The following AR variants were observed in gnomAD, a reference collection of about 807,000 sequenced individuals.
The protein encoded by AR is androgen receptor.
A neutral mutation model predicts 53.9 loss-of-function variants in AR; 8 were observed. The observed-to-expected ratio is 0.15, with a 90% CI of 0.09 to 0.27. The LOEUF (loss-of-function observed/expected upper bound fraction) is 0.27. Ranked by LOEUF, AR falls within the 10% of genes least tolerant of loss-of-function variation. AR has a pLI of 1.00. For synonymous variants in AR, 359 were observed against 316.4 expected (o/e 1.13, Z -1.43); for missense variants, 639 against 742.5 (o/e 0.86, Z 1.62).
intron 2 of AR, among the ~76,000 whole-genome samples, chrX:67,646,953 G>A (rs1337949571): frequency 2.7e-5 from 3 of 110,936 alleles, no homozygotes; most frequent in Non-Finnish European, 5.7e-5. Flanking sequence ...GTGTACTATG[G>A]ATGGAGTGAG....
At chrX:67,575,475 G>A (rs1302608119) in intron 1 of AR, among the ~76,000 whole-genome samples, 3 of 111,319 alleles carry the variant, frequency 2.7e-5, no homozygotes, top group Admixed American at 9.5e-5. Context: ...TATGATATGC[G>A]GATACACCAA....
intron 1 of AR, among the ~76,000 whole-genome samples, chrX:67,550,760 C>A (rs1260082901): frequency 9.1e-6 from 1 of 109,852 alleles, no homozygotes; most frequent in Non-Finnish European, 1.9e-5. Flanking sequence ...TTCTCTTTGT[C>A]TGCAGCTTCC....
intron 1 of AR, among the ~76,000 whole-genome samples, chrX:67,626,436 C>CA (rs1924642148): frequency 4.3e-5 from 2 of 46,808 alleles, no homozygotes; most frequent in Non-Finnish European, 7.5e-5. Context: ...CAGGCTCTCT[C>CA]TTTTTTTTTT....
Position 67,726,981 on chromosome X carries a change from G to C in AR, c.*3140G>C. 5.8e-6 allele frequency: 1 copy of C among 173,353 alleles called. No homozygotes were observed. Among genetic ancestry groups the C allele is most frequent in the Admixed American group, 7.8e-5 (1 of 12,870 alleles). 14.3% of individuals were successfully genotyped at this position (173,353 alleles called of 1,213,427 possible). On this transcript the variant is annotated 3_prime_UTR_variant, in exon 8 of 8. Coordinates refer to ENST00000374690, the MANE Select transcript of AR (RefSeq NM_000044.6). Reference sequence around the variant, plus strand: ...CGATGTGGACGAAGAGTGAGGAAGAGAAAAAGAAGGAGCACCAGGGAGAAG... The same window carrying C: ...CGATGTGGACGAAGAGTGAGGAAGACAAAAAGAAGGAGCACCAGGGAGAAG...
rs139203262 is a variant in AR, at chrX:67,564,748, T to A, written c.1616+17986T>A. Among the ~76,000 whole-genome samples, 724 of 111,769 alleles carry A rather than the reference T, an allele frequency of 6.5e-3. 36 individuals carry two copies. The East Asian group carries it at 0.17, about 26-fold the overall frequency. On this transcript the variant is annotated intron_variant, in intron 1 of 7. Coordinates refer to ENST00000374690, the MANE Select transcript of AR (RefSeq NM_000044.6). Reference sequence around the variant, plus strand: ...GTTTCAGTCACATGCATTGTTACCATGGCATATGACAGTTGCTAGAAAGTG... The same window carrying A: ...GTTTCAGTCACATGCATTGTTACCAAGGCATATGACAGTTGCTAGAAAGTG...
intron 1 of AR, among the ~76,000 whole-genome samples, chrX:67,581,835 G>A (rs1160817110): frequency 9.0e-6 from 1 of 111,299 alleles, no homozygotes; most frequent in Non-Finnish European, 1.9e-5. Context: ...AGAGGTAATA[G>A]AAATTATTAG....
chrX:67,695,465 T>C, intron 3 of AR: 1 of 754,375 alleles, frequency 1.3e-6, no homozygotes, highest in Non-Finnish European at 1.6e-6. Flanking sequence ...ACTCCTTGAT[T>C]GCTCTCTCAC....
At position 67,728,615 on chromosome X, in the gene AR, A is replaced by ATG. The variant is rs1555999011; in HGVS notation, c.*4774_*4775insTG. On this transcript the variant is annotated 3_prime_UTR_variant, in exon 8 of 8. Coordinates refer to ENST00000374690, the MANE Select transcript of AR (RefSeq NM_000044.6). ...TATATATATATATATATATATATAT[A>ATG]GTGTGTGTGTGTGTTCTGATAGCTT... The ATG allele has an allele frequency of 5.4e-5, 5 of 92,901 alleles. No individual in the cohort carries two copies. Among genetic ancestry groups the ATG allele is most frequent in the South Asian group, 5.9e-4 (1 of 1,687 alleles). The allele number at this position is 92,901 out of a possible 1,213,427, so 7.7% of individuals were successfully genotyped here.
chrX:67,561,739 C>G (rs1427780947), intron 1 of AR, among the ~76,000 whole-genome samples: 1 of 110,424 alleles, frequency 9.1e-6, no homozygotes, highest in Non-Finnish European at 1.9e-5. Flanking sequence ...TTGTTCAGCC[C>G]CAGTATTCAT....
intron 3 of AR, chrX:67,694,653 A>G (rs1214955865): frequency 7.8e-6 from 9 of 1,152,212 alleles, no homozygotes; most frequent in African/African-American, 1.8e-5. Flanking sequence ...ACAGTCAACA[A>G]TGTCTCTCTT....
chrX:67,631,216 A>T (rs1362014292), intron 1 of AR, among the ~76,000 whole-genome samples: 2 of 111,450 alleles, frequency 1.8e-5, no homozygotes, highest in Non-Finnish European at 3.8e-5. Context: ...GTTCTCCTGG[A>T]TAATATCCTG....
At position 67,615,160 on chromosome X, in the gene AR, A is replaced by T. The variant is rs1380349638; in HGVS notation, c.1617-28096A>T. On this transcript the variant is annotated intron_variant, in intron 1 of 7. Transcript: ENST00000374690. ...GAAGGGAAAGAAAAGAGCAGAAAGA[A>T]TATTTTTTAAAAAATGGATAAAATC... Among the ~76,000 whole-genome samples, 6 of 111,357 alleles carry T rather than the reference A, an allele frequency of 5.4e-5. No individual in the cohort carries two copies. In the Admixed American group the frequency reaches 5.8e-4, roughly 11 times the overall value.
chrX:67,645,935 G>A (rs923339228), intron 2 of AR, among the ~76,000 whole-genome samples: 3 of 111,389 alleles, frequency 2.7e-5, no homozygotes, highest in African/African-American at 6.5e-5. Flanking sequence ...CATCTTTATC[G>A]CCCATATGGC....
intron 2 of AR, among the ~76,000 whole-genome samples, chrX:67,676,017 G>T (rs949897340): frequency 8.0e-5 from 9 of 111,995 alleles, no homozygotes; most frequent in African/African-American, 2.9e-4. Flanking sequence ...TGCTTCATCT[G>T]TAAAAGAGAA....
rs766226138 is a variant in AR at position 67,615,378 on chromosome X, T to C, written c.1617-27878T>C. On this transcript the variant is annotated intron_variant, in intron 1 of 7. Coordinates refer to ENST00000374690, the MANE Select transcript of AR (RefSeq NM_000044.6). ...CCACAATAAGATTAACAGCTGATTC[T>C]CATCAGAAATAACAGAGAGCAGAAG... Among the ~76,000 whole-genome samples the C allele has an allele frequency of 9.9e-5, 11 of 111,186 alleles. No individual in the cohort carries two copies. In the East Asian group the frequency reaches 2.6e-3, roughly 26 times the overall value.
intron 2 of AR, among the ~76,000 whole-genome samples, chrX:67,682,304 A>G (rs556095821): frequency 9.0e-6 from 1 of 111,218 alleles, no homozygotes; most frequent in Non-Finnish European, 1.9e-5. Flanking sequence ...TATTATTTTG[A>G]GACAGGGTCT....
intron 4 of AR, among the ~76,000 whole-genome samples, chrX:67,717,175 G>T (rs1043472441): frequency 8.9e-6 from 1 of 111,872 alleles, no homozygotes; most frequent in Non-Finnish European, 1.9e-5. Context: ...AAGAAAAAAA[G>T]AGTTCACTCA....
intron 2 of AR, among the ~76,000 whole-genome samples, chrX:67,674,525 CCA>C (rs2075887447): frequency 9.0e-6 from 1 of 110,972 alleles, no homozygotes; most frequent in South Asian, 3.8e-4. Context: ...AAGATTTTTT[CCA>C]CACTTTCCTT....
intron 1 of AR, among the ~76,000 whole-genome samples, chrX:67,573,233 G>A (rs1314747450): frequency 8.9e-6 from 1 of 111,799 alleles, no homozygotes; most frequent in Non-Finnish European, 1.9e-5. Context: ...CAATGCTCAA[G>A]TTAAAGAAAA....
Sources: gnomAD v4.1 joint callset for allele counts (sites outside exome capture counted in the v4.1 genomes callset) on GRCh38, gnomAD v4.1.1 for gene constraint, MANE v1.5 for transcripts, NCBI Gene and HGNC (gene_info 2026-07-23, HGNC 2026-07-21) for gene names.